Variants in BTG3 observed in about 807,000 individuals in gnomAD.
The protein encoded by BTG3 is protein BTG3.
In BTG3, 4 loss-of-function variants were observed where a neutral mutation model predicts 25.8. The ratio of observed to expected loss-of-function variants is 0.16; its 90% CI spans 0.08 to 0.36. BTG3 has a LOEUF of 0.36. BTG3 is among the 10% of genes least tolerant of loss of function. The pLI, the probability that BTG3 is intolerant of heterozygous loss-of-function variation, is 1.00. For synonymous variants in BTG3, 107 were observed against 99.9 expected, an observed-to-expected ratio of 1.07 and a Z score of -0.42; for missense variants, 201 against 304.9, an observed-to-expected ratio of 0.66 and a Z score of 2.54.
intron 2 of BTG3, among the ~76,000 whole-genome samples, chr21:17,607,580 G>C (rs1037858675): frequency 1.3e-5 from 2 of 152,196 alleles, no homozygotes; most frequent in African/African-American, 4.8e-5. Flanking sequence ...TTCAGTACAT[G>C]AGAAATTAGC....
intron 4 of BTG3, 119 bp from the exon 5 acceptor site, chr21:17,594,451 C>T (rs2061477692): frequency 3.4e-6 from 4 of 1,177,518 alleles, no homozygotes; most frequent in Non-Finnish European, 4.8e-6. Context: ...CTAAGTGACA[C>T]TCCTATTGTC....
At position 17,605,017 on chromosome 21, in the gene BTG3, C is replaced by G. The variant is rs570946382; in HGVS notation, c.174-20G>C. ...ATACATCTACAACAAAGTGGAGTTACGTTAATGGATTTAAATGAATTTAAT... is the reference window on the plus strand; with the variant it reads ...ATACATCTACAACAAAGTGGAGTTAGGTTAATGGATTTAAATGAATTTAAT... On this transcript the variant is annotated intron_variant, in intron 2 of 4. Transcript: ENST00000348354. 6.2e-6 allele frequency: 10 copies of G among 1,609,534 alleles called. 1 individual carries two copies. In the South Asian group the frequency reaches 7.7e-5, roughly 12 times the overall value.
At position 17,594,263 on chromosome 21, in the gene BTG3, G is replaced by T; in HGVS notation, c.589C>A (p.Arg197=). The T allele has an allele frequency of 6.2e-7, 1 of 1,613,192 alleles. No individual in the cohort carries two copies. The highest frequency in any genetic ancestry group is 8.5e-7 in the Non-Finnish European group (1 of 1,179,376). The stretch of plus-strand genomic sequence containing the variant: ...TAGTGATTCTGATGGCCATTCCCTC[G>T]ATACATTCCTGGCTTTTTTCTGGGC... ...PLPRKKPGMY[R]GNGHQNHYPP... Residue 197 remains arginine, a synonymous_variant, in exon 5 of 5, where the codon CGA becomes AGA. Transcript: ENST00000348354.
chr21:17,599,759 C>T (rs565803649), intron 3 of BTG3, among the ~76,000 whole-genome samples: 3 of 152,250 alleles, frequency 2.0e-5, no homozygotes, highest in Admixed American at 6.5e-5. Flanking sequence ...GGTTTATAGG[C>T]GTGAGCCATC....
chr21:17,596,830 A>G (rs917559937), intron 4 of BTG3, among the ~76,000 whole-genome samples: 1 of 152,096 alleles, frequency 6.6e-6, no homozygotes, highest in African/African-American at 2.4e-5. Flanking sequence ...TTTCAGGAGA[A>G]CTGACACAAT....
At chr21:17,596,545 TC>T (rs1295847444) in intron 4 of BTG3, among the ~76,000 whole-genome samples, 5 of 152,014 alleles carry the variant, frequency 3.3e-5, no homozygotes, top group Non-Finnish European at 2.9e-5. Context: ...TTGAAGACTT[TC>T]CCCATTGAAT....
intron 2 of BTG3, among the ~76,000 whole-genome samples, chr21:17,605,543 T>TGATTAAATG (rs1258873134): frequency 1.3e-5 from 2 of 152,202 alleles, no homozygotes; most frequent in East Asian, 3.8e-4. Flanking sequence ...TCATATCATA[T>TGATTAAATG]ACTTATGATT....
chr21:17,595,853 A>C (rs746318712), intron 4 of BTG3, among the ~76,000 whole-genome samples: 2 of 152,060 alleles, frequency 1.3e-5, no homozygotes, highest in Non-Finnish European at 2.9e-5. Flanking sequence ...TTAACGTTAA[A>C]AAGTTCCAGT....
intron 3 of BTG3, among the ~76,000 whole-genome samples, chr21:17,601,026 G>A (rs1350891007): frequency 6.6e-6 from 1 of 152,142 alleles, no homozygotes; most frequent in African/African-American, 2.4e-5. Flanking sequence ...AGCCGGGCAT[G>A]GTGGTGTGCG....
At chr21:17,601,448 C>G (rs1569180514) in intron 3 of BTG3, among the ~76,000 whole-genome samples, 1 of 151,994 alleles carries the variant, frequency 6.6e-6, no homozygotes, top group Non-Finnish European at 1.5e-5. Context: ...TGCTTGAGCC[C>G]AGGAGTTCAC....
chr21:17,607,931 G>A (rs2061666427), intron 2 of BTG3, among the ~76,000 whole-genome samples: 1 of 152,194 alleles, frequency 6.6e-6, no homozygotes. Context: ...TTTACTTTAA[G>A]CTGTAAATGT....
intron 3 of BTG3, among the ~76,000 whole-genome samples, chr21:17,600,058 TC>T: frequency 6.6e-6 from 1 of 152,026 alleles, no homozygotes; most frequent in Middle Eastern, 3.4e-3. Context: ...GATGAAAAAA[TC>T]TTGTTATTCT....
At chr21:17,612,196 G>A (rs2061738012) in intron 1 of BTG3, 1 of 152,332 alleles carries the variant, frequency 6.6e-6, no homozygotes, top group Non-Finnish European at 1.5e-5. Context: ...GAAGGGCCCT[G>A]GCGCCCAATG....
At chr21:17,610,846 C>T (rs1313031833) in intron 1 of BTG3, among the ~76,000 whole-genome samples, 2 of 152,218 alleles carry the variant, frequency 1.3e-5, no homozygotes, top group African/African-American at 2.4e-5. Context: ...TCTCAAACTG[C>T]TCTTTCAGTC....
At chr21:17,596,363 T>C (rs1341945615) in intron 4 of BTG3, among the ~76,000 whole-genome samples, 1 of 152,044 alleles carries the variant, frequency 6.6e-6, no homozygotes, top group Non-Finnish European at 1.5e-5. Flanking sequence ...TATTTGCCTG[T>C]CACAAAATAA....
At chr21:17,595,806 A>AG (rs1569172198) in intron 4 of BTG3, among the ~76,000 whole-genome samples, 1 of 152,062 alleles carries the variant, frequency 6.6e-6, no homozygotes, top group Non-Finnish European at 1.5e-5. Context: ...TTTAATACTT[A>AG]GGAGTGGAAC....
Position 17,594,092 on chromosome 21 carries a change from G to A in BTG3, c.*1C>T. ...TGACACCAACACAATCAAAAACGAAGTTAGTGAGGTGCTAACATGTGAGGA... is the reference window on the plus strand; with the variant it reads ...TGACACCAACACAATCAAAAACGAAATTAGTGAGGTGCTAACATGTGAGGA... On this transcript the variant is annotated 3_prime_UTR_variant, in exon 5 of 5. Coordinates refer to ENST00000348354, the MANE Select transcript of BTG3 (RefSeq NM_006806.5). 5 of 1,612,222 alleles carry A rather than the reference G, an allele frequency of 3.1e-6. No individual in the cohort carries two copies. Among genetic ancestry groups the A allele is most frequent in the Non-Finnish European group, 4.2e-6 (5 of 1,178,906 alleles).
At chr21:17,611,921 G>C (rs1328904459) in intron 1 of BTG3, 1 of 152,236 alleles carries the variant, frequency 6.6e-6, no homozygotes, top group East Asian at 1.9e-4. Flanking sequence ...CGTTCCCAAG[G>C]TGGAGGGCGC....
intron 3 of BTG3, among the ~76,000 whole-genome samples, chr21:17,599,406 C>G (rs1366320153): frequency 2.0e-5 from 3 of 151,416 alleles, no homozygotes; most frequent in Non-Finnish European, 4.4e-5. Flanking sequence ...TCCCAAACTC[C>G]TAGGCTCAAG....
Sources: gnomAD v4.1 joint callset for allele counts (sites outside exome capture counted in the v4.1 genomes callset) on GRCh38, gnomAD v4.1.1 for gene constraint, MANE v1.5 for transcripts, NCBI Gene and HGNC (gene_info 2026-07-23, HGNC 2026-07-21) for gene names.